Variants in SERGEF observed in about 807,000 individuals in gnomAD.
SERGEF encodes the protein secretion regulating guanine nucleotide exchange factor, also known as secretion-regulating guanine nucleotide exchange factor.
Under a neutral mutation model 50.0 loss-of-function variants are expected in SERGEF, and 51 were observed. The observed-to-expected ratio is 1.02, with a 90% CI of 0.81 to 1.29. The LOEUF is 1.29. SERGEF is among the 50% of genes most tolerant of loss of function. The pLI, the probability that SERGEF is intolerant of heterozygous loss-of-function variation, is 0.00. For synonymous variants in SERGEF, 205 were observed against 212.4 expected (o/e 0.97, Z 0.30); for missense variants, 521 against 557.0 (o/e 0.94, Z 0.65).
chr11:17,935,406 C>A (rs1307691548), intron 9 of SERGEF, among the ~76,000 whole-genome samples: 1 of 152,042 alleles, frequency 6.6e-6, no homozygotes, highest in Non-Finnish European at 1.5e-5. Context: ...GAGTTTGAGG[C>A]TGCAGTGAGC....
chr11:17,911,340 A>G (rs901358865), intron 9 of SERGEF, among the ~76,000 whole-genome samples: 12 of 146,496 alleles, frequency 8.2e-5, no homozygotes, highest in Non-Finnish European at 4.5e-5. Context: ...TATATATATT[A>G]TATATAATAT....
intron 10 of SERGEF, among the ~76,000 whole-genome samples, chr11:17,870,857 C>T (rs1017279750): frequency 1.3e-5 from 2 of 152,038 alleles, no homozygotes; most frequent in African/African-American, 4.8e-5. Flanking sequence ...AATAATCAAG[C>T]TAGTGTGATA....
intron 10 of SERGEF, among the ~76,000 whole-genome samples, chr11:17,842,047 T>C (rs888623129): frequency 4.6e-5 from 7 of 152,218 alleles, no homozygotes; most frequent in Non-Finnish European, 1.0e-4. Context: ...GCATTTATCC[T>C]AGTCTGTAAT....
At chr11:17,994,036 G>A (rs966631285) in intron 6 of SERGEF, among the ~76,000 whole-genome samples, 1 of 152,096 alleles carries the variant, frequency 6.6e-6, no homozygotes, top group Non-Finnish European at 1.5e-5. Context: ...AACAGGTCCT[G>A]TGCTAAAATA....
intron 10 of SERGEF, among the ~76,000 whole-genome samples, chr11:17,800,964 G>A (rs1340783403): frequency 1.3e-5 from 2 of 152,226 alleles, no homozygotes; most frequent in Non-Finnish European, 2.9e-5. Flanking sequence ...GGGAGGCCGA[G>A]GCGGGTGGAT....
At position 17,995,907 on chromosome 11, in the gene SERGEF, T is replaced by A. The variant is rs1590240866; in HGVS notation, c.511A>T (p.Ser171Cys). ...GTCCCCCACTGGAACACGATGCCAC[T>A]CGCTTCCCAACAGAATGGAAGAGAA... ...GLRHAVAATA[S>C]GIVFQWGTGL... Residue 171 changes from serine (S) to cysteine (C), a missense_variant and splice_region_variant, in exon 6 of 11, where the codon AGT becomes TGT. Physicochemically the swap from Ser to Cys is moderately radical, Grantham distance 112. Transcript: ENST00000265965. 1 of 1,610,586 alleles carries A rather than the reference T, an allele frequency of 6.2e-7. No individual in the cohort carries two copies. The highest frequency in any genetic ancestry group is 1.3e-5 in the African/African-American group (1 of 74,934).
At chr11:17,812,280 G>T (rs1270165879) in intron 10 of SERGEF, among the ~76,000 whole-genome samples, 1 of 152,208 alleles carries the variant, frequency 6.6e-6, no homozygotes, top group East Asian at 1.9e-4. Context: ...CTTAAGAGGG[G>T]TAGGCACAAT....
intron 10 of SERGEF, among the ~76,000 whole-genome samples, chr11:17,825,298 A>G (rs988093873): frequency 1.3e-5 from 2 of 152,192 alleles, no homozygotes; most frequent in African/African-American, 4.8e-5. Context: ...ATAAAATACA[A>G]GCGGAAATTC....
At chr11:17,882,834 G>A (rs1387190513) in intron 9 of SERGEF, among the ~76,000 whole-genome samples, 3 of 152,180 alleles carry the variant, frequency 2.0e-5, no homozygotes, top group South Asian at 2.1e-4. Context: ...GATGCTGGGG[G>A]CACTGAAAGC....
rs58279017 is a variant in SERGEF at position 17,888,628 on chromosome 11, T to TACACACAC, written c.1012-10392_1012-10385dup. On this transcript the variant is annotated intron_variant, in intron 9 of 10. Coordinates refer to ENST00000265965, the MANE Select transcript of SERGEF (RefSeq NM_012139.4). This position sits in a 1 kb window ranked among gnomAD's most constrained non-coding sequence, Gnocchi z 4.1. ...AGTTATCAGTATGAACTCACAGTTT[T>TACACACAC]ACACACACACACACACACACACACA... is the stretch of plus-strand genomic sequence containing the variant. Among the ~76,000 whole-genome samples the TACACACAC allele has an allele frequency of 6.0e-4, 87 of 143,870 alleles. No individual in the cohort carries two copies. Among genetic ancestry groups the TACACACAC allele is most frequent in the East Asian group, 1.7e-3 (8 of 4,638 alleles). The allele number at this position is 143,870 out of a possible 152,430, so 94.4% of individuals were successfully genotyped here.
intron 10 of SERGEF, among the ~76,000 whole-genome samples, chr11:17,867,044 C>T (rs1851040714): frequency 6.6e-6 from 1 of 152,200 alleles, no homozygotes; most frequent in Non-Finnish European, 1.5e-5. Flanking sequence ...TGGGACACAG[C>T]CAAACCATAT....
At chr11:18,004,370 G>T in intron 4 of SERGEF, 71 bp downstream of exon 4, 1 of 1,117,134 alleles carries the variant, frequency 9.0e-7, no homozygotes, top group East Asian at 2.5e-5. Flanking sequence ...TTTTATTCTG[G>T]GGAGAGATAG....
At chr11:17,913,275 A>G (rs539151747) in intron 9 of SERGEF, among the ~76,000 whole-genome samples, 1 of 152,274 alleles carries the variant, frequency 6.6e-6, no homozygotes, top group Non-Finnish European at 1.5e-5. Context: ...CCACACACAT[A>G]TGGCATGCTT....
In SERGEF at chr11:17,959,620, A is replaced by G. The variant is rs776133388; in HGVS notation, c.861T>C (p.Phe287=). Residue 287 remains phenylalanine (F), a synonymous_variant, in exon 9 of 11, where the codon TTT becomes TTC. Transcript: ENST00000265965. ...GACCATAGTCTGCTCGGCCCCAGGTAAACATCTTGCCAGTTTCTAAAAACA... is the reference window on the plus strand; with the variant it reads ...GACCATAGTCTGCTCGGCCCCAGGTGAACATCTTGCCAGTTTCTAAAAACA... The part of the protein sequence containing the change: ...LVAQTETGKM[F]TWGRADYGQL... The G allele has an allele frequency of 3.7e-5, 60 of 1,612,162 alleles. No individual in the cohort carries two copies. Among genetic ancestry groups the G allele is most frequent in the Non-Finnish European group, 4.8e-5 (57 of 1,179,388 alleles).
intron 10 of SERGEF, among the ~76,000 whole-genome samples, chr11:17,877,607 T>C (rs1851261586): frequency 6.6e-6 from 1 of 152,230 alleles, no homozygotes; most frequent in Non-Finnish European, 1.5e-5. Context: ...TTTAATGTAC[T>C]GTGAGATGGA....
intron 10 of SERGEF, among the ~76,000 whole-genome samples, chr11:17,820,020 T>G (rs1006427081): frequency 6.6e-6 from 1 of 152,100 alleles, no homozygotes; most frequent in Non-Finnish European, 1.5e-5. Flanking sequence ...AAAAAATTTT[T>G]TTTTGTAGAG....
chr11:17,790,687 G>A (rs1849471060), intron 10 of SERGEF, among the ~76,000 whole-genome samples: 1 of 152,208 alleles, frequency 6.6e-6, no homozygotes, highest in African/African-American at 2.4e-5. Context: ...AGTCATGCAT[G>A]TATATGTAAG....
intron 10 of SERGEF, among the ~76,000 whole-genome samples, chr11:17,870,086 G>A (rs1851109352): frequency 6.6e-6 from 1 of 152,084 alleles, no homozygotes; most frequent in African/African-American, 2.4e-5. Flanking sequence ...TTTTATAAGG[G>A]GCTCTTCCCC....
chr11:17,794,761 C>G (rs1404722977), intron 10 of SERGEF, among the ~76,000 whole-genome samples: 1 of 152,218 alleles, frequency 6.6e-6, no homozygotes, highest in African/African-American at 2.4e-5. Flanking sequence ...GACAGTCTGG[C>G]TCCAGGCCCT....
Sources: gnomAD v4.1 joint callset for allele counts (sites outside exome capture counted in the v4.1 genomes callset) on GRCh38, gnomAD v4.1.1 for gene constraint, Gnocchi (gnomAD v3.1) non-coding constraint, MANE v1.5 for transcripts, NCBI Gene and HGNC (gene_info 2026-07-23, HGNC 2026-07-21) for gene names.